Variants in TRPM3 observed in about 807,000 individuals in gnomAD.
TRPM3 encodes the protein transient receptor potential cation channel subfamily M member 3.
Under a neutral mutation model 181.2 loss-of-function variants are expected in TRPM3, and 77 were observed. That is an observed-to-expected ratio of 0.42 (90% CI 0.35 to 0.51). The LOEUF is 0.51. TRPM3 is among the 20% of genes least tolerant of loss of function. The probability of loss-of-function intolerance (pLI) is 0.01; values close to 1 mark genes in which losing one functional copy is unlikely to be tolerated. For synonymous variants in TRPM3, 745 were observed against 796.4 expected (o/e 0.94, Z 1.09); for missense variants, 1,759 against 2,196.7 (o/e 0.80, Z 3.98).
At chr9:71,175,327 C>G (rs1006824272) in intron 1 of TRPM3, among the ~76,000 whole-genome samples, 15 of 152,118 alleles carry the variant, frequency 9.9e-5, no homozygotes, top group African/African-American at 3.6e-4. Context: ...ACCCTTTCCT[C>G]CCTTCAAGAG....
chr9:71,197,832 T>A (rs558044610), intron 1 of TRPM3, among the ~76,000 whole-genome samples: 1 of 138,250 alleles, frequency 7.2e-6, no homozygotes, highest in African/African-American at 2.6e-5. Context: ...GCCTGTTCAC[T>A]CTGATGGTAG....
At chr9:70,990,756 C>T (rs1296054875) in intron 1 of TRPM3, among the ~76,000 whole-genome samples, 2 of 152,038 alleles carry the variant, frequency 1.3e-5, no homozygotes, top group Non-Finnish European at 2.9e-5. Context: ...AGGGATGTTC[C>T]CCATCCCTCT....
At chr9:71,282,513 G>A (rs2084929908) in intron 1 of TRPM3, among the ~76,000 whole-genome samples, 1 of 152,142 alleles carries the variant, frequency 6.6e-6, no homozygotes, top group South Asian at 2.1e-4. Flanking sequence ...AAAACAAGAG[G>A]TATGCCAAAG....
chr9:71,249,646 T>A (rs1053593854), intron 1 of TRPM3, among the ~76,000 whole-genome samples: 3 of 152,048 alleles, frequency 2.0e-5, no homozygotes, highest in Admixed American at 6.6e-5. Context: ...GGGAAAAAAA[T>A]TATTCTGCTG....
At chr9:71,072,611 C>T (rs79041806) in intron 1 of TRPM3, among the ~76,000 whole-genome samples, 3 of 152,232 alleles carry the variant, frequency 2.0e-5, no homozygotes, top group Admixed American at 6.5e-5. Flanking sequence ...CTGGACCCAA[C>T]CCGTCTGACT....
At chr9:71,268,665 T>C (rs1448909415) in intron 1 of TRPM3, among the ~76,000 whole-genome samples, 1 of 151,142 alleles carries the variant, frequency 6.6e-6, no homozygotes, top group East Asian at 2.0e-4. Flanking sequence ...TCTAGAAAAA[T>C]ACAAAAATTA....
At chr9:71,010,861 G>C (rs1160558852) in intron 1 of TRPM3, among the ~76,000 whole-genome samples, 2 of 151,402 alleles carry the variant, frequency 1.3e-5, no homozygotes, top group Non-Finnish European at 2.9e-5. Context: ...CAATAGCCAA[G>C]ATATGGAATC....
chr9:70,811,860 A>C (rs192802249), intron 6 of TRPM3, among the ~76,000 whole-genome samples: 162 of 152,280 alleles, frequency 1.1e-3, no homozygotes, highest in Non-Finnish European at 1.8e-3. Context: ...AACATGCATA[A>C]TATTATTAAT....
At chr9:70,914,079 T>TAAC (rs1043175510) in intron 1 of TRPM3, among the ~76,000 whole-genome samples, 1 of 152,238 alleles carries the variant, frequency 6.6e-6, no homozygotes, top group African/African-American at 2.4e-5. Flanking sequence ...TGTTGAAATC[T>TAAC]AACCCTCAAT....
rs189572244 is a variant in TRPM3 at position 71,412,799 on chromosome 9, G to A, written c.183+33854C>T. 2.2e-3 allele frequency among the ~76,000 whole-genome samples: 341 copies of A among 152,248 alleles called. 3 individuals carry two copies. Among genetic ancestry groups the A allele is most frequent in the African/African-American group, 7.9e-3 (327 of 41,544 alleles). On this transcript the variant is annotated intron_variant, in intron 1 of 24. Transcript: ENST00000357533. ...TGCTACTATAAAGACACATACACACGTATGTTTATTGTGGCACTATTCACA... is the reference window on the plus strand; with the variant it reads ...TGCTACTATAAAGACACATACACACATATGTTTATTGTGGCACTATTCACA...
intron 1 of TRPM3, among the ~76,000 whole-genome samples, chr9:70,870,458 C>T (rs1431121014): frequency 6.6e-6 from 1 of 152,044 alleles, no homozygotes; most frequent in East Asian, 1.9e-4. Flanking sequence ...CAGGAGTTGG[C>T]TACAGAATAA....
chr9:71,214,089 C>A (rs1260781420), intron 1 of TRPM3, among the ~76,000 whole-genome samples: 1 of 152,126 alleles, frequency 6.6e-6, no homozygotes, highest in East Asian at 1.9e-4. Flanking sequence ...CTCCTTATTT[C>A]TTAAAACATG....
At chr9:71,226,685 T>C (rs1313780400) in intron 1 of TRPM3, among the ~76,000 whole-genome samples, 1 of 152,114 alleles carries the variant, frequency 6.6e-6, no homozygotes, top group Non-Finnish European at 1.5e-5. Flanking sequence ...CACACACATG[T>C]ATATACACAT....
At chr9:71,434,002 G>A (rs530963564) in intron 1 of TRPM3, among the ~76,000 whole-genome samples, 14 of 151,776 alleles carry the variant, frequency 9.2e-5, no homozygotes, top group African/African-American at 3.4e-4. Context: ...CTAAAAATAC[G>A]AAAAAAATTA....
chr9:71,275,374 T>C (rs1175549412), intron 1 of TRPM3, among the ~76,000 whole-genome samples: 1 of 152,210 alleles, frequency 6.6e-6, no homozygotes, highest in Non-Finnish European at 1.5e-5. Flanking sequence ...TATTGAAAGA[T>C]ATAAAAGAAT....
intron 22 of TRPM3, among the ~76,000 whole-genome samples, chr9:70,555,090 T>G (rs773927020): frequency 6.6e-6 from 1 of 152,100 alleles, no homozygotes; most frequent in Non-Finnish European, 1.5e-5. Context: ...CTGGACTGAG[T>G]TTCCTGCAGT....
chr9:70,692,046 G>T (rs1193469136), intron 8 of TRPM3, among the ~76,000 whole-genome samples: 3 of 152,208 alleles, frequency 2.0e-5, no homozygotes, highest in African/African-American at 7.2e-5. Flanking sequence ...AATAAGGTGG[G>T]TTGGACACGC....
intron 1 of TRPM3, among the ~76,000 whole-genome samples, chr9:71,320,980 T>C (rs954609114): frequency 2.6e-4 from 39 of 152,102 alleles, no homozygotes; most frequent in African/African-American, 8.4e-4. Context: ...CATCATCACT[T>C]GTTGTTGTCT....
intron 1 of TRPM3, among the ~76,000 whole-genome samples, chr9:71,220,347 A>G (rs1031794841): frequency 1.4e-5 from 2 of 140,572 alleles, no homozygotes; most frequent in African/African-American, 5.2e-5. Flanking sequence ...TTAATTTTGA[A>G]AAGTCTGATT....
Sources: gnomAD v4.1 joint callset for allele counts (sites outside exome capture counted in the v4.1 genomes callset) on GRCh38, gnomAD v4.1.1 for gene constraint, MANE v1.5 for transcripts, NCBI Gene and HGNC (gene_info 2026-07-23, HGNC 2026-07-21) for gene names.